Variants in UNC5A observed in about 807,000 individuals in gnomAD.
The protein encoded by UNC5A is netrin receptor UNC5A.
UNC5A carries 20 observed loss-of-function variants against 87.4 expected under a neutral mutation model. That is an observed-to-expected ratio of 0.23 (90% confidence interval 0.16 to 0.33). The LOEUF (loss-of-function observed/expected upper bound fraction) is 0.33, where lower values mean the gene tolerates loss of function less well. Ranked by LOEUF, UNC5A falls within the 10% of genes least tolerant of loss-of-function variation. The pLI, the probability that UNC5A is intolerant of heterozygous loss-of-function variation, is 1.00. For missense variants in UNC5A, 844 were observed against 1,133.4 expected (o/e 0.74, Z 3.67); for synonymous variants, 438 against 482.3 (o/e 0.91, Z 1.20).
chr5:176,873,470 C>G, intron 6 of UNC5A, among the ~76,000 whole-genome samples: 1 of 152,164 alleles, frequency 6.6e-6, no homozygotes, highest in Non-Finnish European at 1.5e-5. Context: ...CAATCACCCC[C>G]TCCCCAGACC....
rs112503971 is a variant in UNC5A at position 176,878,867 on chromosome 5, A to G, written c.2184+228A>G. On this transcript the variant is annotated intron_variant, in intron 13 of 14. Coordinates refer to ENST00000329542, the MANE Select transcript of UNC5A (RefSeq NM_133369.3). The stretch of plus-strand genomic sequence containing the variant: ...AGGGGAGTGCAGGGGACATGGGAGC[A>G]GCAGGAGGGGAGACCCTGGAGGGCT... 7.5e-3 allele frequency among the ~76,000 whole-genome samples: 1,139 copies of G among 152,276 alleles called. 16 individuals are homozygous for G. The highest frequency in any genetic ancestry group is 0.026 in the African/African-American group (1,085 of 41,554).
At chr5:176,870,232 C>A in intron 5 of UNC5A, 138 bp from the exon 6 acceptor site, 2 of 1,089,388 alleles carry the variant, frequency 1.8e-6, no homozygotes, top group East Asian at 5.3e-5. Context: ...CATCGTGGGC[C>A]TGGCCCTGGC....
At chr5:176,839,921 A>G (rs1757234995) in intron 1 of UNC5A, among the ~76,000 whole-genome samples, 1 of 149,566 alleles carries the variant, frequency 6.7e-6, no homozygotes, top group Non-Finnish European at 1.5e-5. Context: ...GGTTCAGGCA[A>G]TTCTGCTGCC....
chr5:176,877,669 G>A lies in UNC5A; in HGVS notation c.1601G>A (p.Arg534His), dbSNP rs115634193. ...GEPSPDSWSL[R>H]LKKQSCEGSW... The stretch of plus-strand genomic sequence containing the variant: ...CCCAGCCCTGACAGCTGGAGCCTGC[G>A]CCTCAAAAAGCAGTCGTGCGAGGGC... Residue 534 changes from arginine (R) to histidine (H), a missense_variant, in exon 10 of 15, where the codon CGC (arginine) becomes CAC (histidine). Arg to His is a conservative substitution (Grantham distance 29, BLOSUM62 0). Coordinates refer to ENST00000329542, the MANE Select transcript of UNC5A (RefSeq NM_133369.3). 6.0e-3 allele frequency: 9,593 copies of A among 1,609,290 alleles called. 273 individuals are homozygous for A. In the African/African-American group the frequency reaches 0.081, roughly 14 times the overall value.
chr5:176,859,159 C>T (rs812729), intron 1 of UNC5A, among the ~76,000 whole-genome samples: 1 of 21,828 alleles, frequency 4.6e-5, no homozygotes, highest in South Asian at 1.7e-3. Context: ...ATAGCTGCTA[C>T]AATGTCCTTG....
intron 1 of UNC5A, among the ~76,000 whole-genome samples, chr5:176,832,507 G>A (rs1757054159): frequency 6.6e-6 from 1 of 152,194 alleles, no homozygotes; most frequent in Admixed American, 6.5e-5. Flanking sequence ...GAAGGATGGG[G>A]ACAGCAGTCA....
At chr5:176,827,179 CTTTTTT>C (rs35306601) in intron 1 of UNC5A, among the ~76,000 whole-genome samples, 6 of 107,576 alleles carry the variant, frequency 5.6e-5, no homozygotes, top group East Asian at 2.7e-4. Flanking sequence ...TGCTTCATTC[CTTTTTT>C]TTTTTTTTTT....
intron 1 of UNC5A, among the ~76,000 whole-genome samples, chr5:176,849,296 C>T (rs1757486250): frequency 6.6e-6 from 1 of 152,180 alleles, no homozygotes; most frequent in African/African-American, 2.4e-5. Flanking sequence ...AAAAAAAAAT[C>T]AGTGCAGGCT....
intron 1 of UNC5A, among the ~76,000 whole-genome samples, chr5:176,839,807 CTTTTTTTTTT>C (rs58515865): frequency 5.9e-4 from 73 of 123,886 alleles, no homozygotes; most frequent in African/African-American, 2.2e-3. Flanking sequence ...CGGCCACTTC[CTTTTTTTTTT>C]TTTTTTTTTT....
intron 1 of UNC5A, among the ~76,000 whole-genome samples, chr5:176,815,782 G>GC: frequency 6.6e-6 from 1 of 152,326 alleles, no homozygotes; most frequent in African/African-American, 2.4e-5. Flanking sequence ...CCAGGCAGGG[G>GC]CCCCTTCTGG....
intron 1 of UNC5A, among the ~76,000 whole-genome samples, chr5:176,812,889 C>G (rs1561634862): frequency 6.6e-6 from 1 of 152,198 alleles, no homozygotes; most frequent in African/African-American, 2.4e-5. Context: ...CCCAGGCAGG[C>G]TGGCCCTGCC....
At position 176,810,961 on chromosome 5, in the gene UNC5A, G is replaced by A; in HGVS notation, c.70+141G>A. 1.5e-6 allele frequency: 1 copy of A among 684,850 alleles called. No individual in the cohort carries two copies. The highest frequency in any genetic ancestry group is 1.9e-6 in the Non-Finnish European group (1 of 522,984). The allele number at this position is 684,850 out of a possible 1,614,324, so 42.4% of individuals were successfully genotyped here. The stretch of plus-strand genomic sequence containing the variant: ...CCAAACTTTGCGAGGCGGGACGCGG[G>A]GGGCTCTTCTTGCTGCTGCGCAGCT... On this transcript the variant is annotated intron_variant, in intron 1 of 14. Transcript: ENST00000329542. The surrounding 1 kb of genome is among the most constrained non-coding windows in gnomAD (Gnocchi z 7.3).
intron 1 of UNC5A, among the ~76,000 whole-genome samples, chr5:176,851,339 A>G (rs1241116906): frequency 1.3e-5 from 2 of 152,194 alleles, no homozygotes; most frequent in Admixed American, 6.5e-5. Flanking sequence ...CCACCAGCCA[A>G]GGGCAGGCGA....
intron 1 of UNC5A, among the ~76,000 whole-genome samples, chr5:176,831,879 CTCTCTCTTTTTTTTTT>C (rs1416911197): frequency 5.8e-5 from 2 of 34,404 alleles, no homozygotes; most frequent in Non-Finnish European, 1.8e-4. Flanking sequence ...CACACTTTCT[CTCTCTCTTTTTTTTTT>C]TTTTTTTTTT....
chr5:176,868,003 T>TA (rs374478662), intron 2 of UNC5A, 127 bp from the exon 3 acceptor site: 54,833 of 553,278 alleles, frequency 0.099, 211 homozygotes, highest in Middle Eastern at 0.13. Context: ...TAATAAAATT[T>TA]AAAAAAAAAA....
intron 1 of UNC5A, among the ~76,000 whole-genome samples, chr5:176,846,873 C>G (rs536985127): frequency 2.6e-5 from 4 of 152,308 alleles, no homozygotes; most frequent in South Asian, 4.1e-4. Context: ...TCATGCCGAC[C>G]TTGAAGCCAG....
chr5:176,857,521 CCA>C (rs1356320120), intron 1 of UNC5A, among the ~76,000 whole-genome samples: 4 of 152,030 alleles, frequency 2.6e-5, no homozygotes, highest in African/African-American at 9.7e-5. Flanking sequence ...CACATGCATG[CCA>C]CACACACATG....
At chr5:176,823,949 C>T (rs1356334253) in intron 1 of UNC5A, among the ~76,000 whole-genome samples, 27 of 152,214 alleles carry the variant, frequency 1.8e-4, no homozygotes, top group Admixed American at 1.8e-3. Flanking sequence ...CCTTTGGCGA[C>T]CTCCCGCCAT....
intron 2 of UNC5A, among the ~76,000 whole-genome samples, chr5:176,864,549 C>G (rs1472586492): frequency 6.6e-6 from 1 of 152,216 alleles, no homozygotes; most frequent in Admixed American, 6.5e-5. Flanking sequence ...ACGGTTGAGA[C>G]TGAGGCCTTG....
Sources: gnomAD v4.1 joint callset for allele counts (sites outside exome capture counted in the v4.1 genomes callset) on GRCh38, gnomAD v4.1.1 for gene constraint, Gnocchi (gnomAD v3.1) non-coding constraint, MANE v1.5 for transcripts, NCBI Gene and HGNC (gene_info 2026-07-23, HGNC 2026-07-21) for gene names.